Variants in NUTF2 observed in about 807,000 individuals in gnomAD.
The protein encoded by NUTF2 is placental protein 15.
NUTF2 carries 3 observed loss-of-function variants against 18.5 expected under a neutral mutation model. That is an observed-to-expected ratio of 0.16 (90% CI 0.07 to 0.42). The LOEUF (loss-of-function observed/expected upper bound fraction) is 0.42, where lower values mean the gene tolerates loss of function less well. NUTF2 is among the 10% of genes least tolerant of loss of function. The pLI, the probability that NUTF2 is intolerant of heterozygous loss-of-function variation, is 0.99. For synonymous variants in NUTF2, 51 were observed against 57.9 expected, an observed-to-expected ratio of 0.88 and a Z score of 0.54; for missense variants, 44 against 160.7, an observed-to-expected ratio of 0.27 and a Z score of 3.93.
intron 1 of NUTF2, among the ~76,000 whole-genome samples, chr16:67,850,785 A>G (rs149916398): frequency 0.03 from 4,530 of 152,134 alleles, 101 homozygotes; most frequent in Middle Eastern, 0.16. Context: ...CCCTTCGTGT[A>G]TAGGAGCCTA....
intron 1 of NUTF2, among the ~76,000 whole-genome samples, chr16:67,852,564 G>T (rs2057867995): frequency 6.6e-6 from 1 of 152,106 alleles, no homozygotes; most frequent in South Asian, 2.1e-4. Context: ...TGCCATGTTG[G>T]CCAGGCTGGT....
At chr16:67,868,247 C>A in intron 2 of NUTF2, 93 bp from the exon 3 acceptor site, 2 of 1,148,166 alleles carry the variant, frequency 1.7e-6, no homozygotes, top group Non-Finnish European at 2.5e-6. Flanking sequence ...GGCCACACTT[C>A]TCCAAGCAAG....
chr16:67,850,421 T>C (rs2057845175), intron 1 of NUTF2, among the ~76,000 whole-genome samples: 1 of 151,680 alleles, frequency 6.6e-6, no homozygotes, highest in Non-Finnish European at 1.5e-5. Context: ...TCAGCCAGGA[T>C]GGTCTCGATC....
intron 1 of NUTF2, among the ~76,000 whole-genome samples, chr16:67,850,354 G>A (rs1403137557): frequency 4.0e-5 from 6 of 151,452 alleles, no homozygotes; most frequent in Admixed American, 2.0e-4. Context: ...ATAGGCACCC[G>A]CCACCACGCC....
intron 1 of NUTF2, chr16:67,855,889 G>GT (rs1555495568): frequency 7.8e-6 from 3 of 385,446 alleles, no homozygotes; most frequent in East Asian, 4.6e-5. Flanking sequence ...TTTTTTGGCG[G>GT]GGGGGGGGGA....
intron 1 of NUTF2, among the ~76,000 whole-genome samples, chr16:67,852,237 G>A (rs1208410061): frequency 6.6e-6 from 1 of 152,088 alleles, no homozygotes; most frequent in Non-Finnish European, 1.5e-5. Flanking sequence ...AGGAGGTCAA[G>A]GAACCGTGAG....
intron 2 of NUTF2, among the ~76,000 whole-genome samples, chr16:67,867,292 C>T (rs2057979753): frequency 6.6e-6 from 1 of 152,146 alleles, no homozygotes; most frequent in South Asian, 2.1e-4. Context: ...TTAAAGCAGG[C>T]CTGAGCCAGA....
At chr16:67,859,638 G>A (rs1400340869) in intron 1 of NUTF2, among the ~76,000 whole-genome samples, 2 of 151,944 alleles carry the variant, frequency 1.3e-5, no homozygotes, top group Non-Finnish European at 2.9e-5. Context: ...GATTAGAGGC[G>A]TGAGCCACCG....
chr16:67,850,207 T>C (rs1319484216), intron 1 of NUTF2, among the ~76,000 whole-genome samples: 1 of 150,852 alleles, frequency 6.6e-6, no homozygotes, highest in Non-Finnish European at 1.5e-5. Context: ...CCCTGTAACT[T>C]CTTTTTTTTT....
chr16:67,850,309 A>G, intron 1 of NUTF2, among the ~76,000 whole-genome samples: 1 of 149,598 alleles, frequency 6.7e-6, no homozygotes, highest in East Asian at 2.0e-4. Flanking sequence ...GGTTCACGCC[A>G]TTCTCCTGCC....
intron 1 of NUTF2, among the ~76,000 whole-genome samples, chr16:67,861,798 G>A (rs2057936833): frequency 6.6e-6 from 1 of 152,194 alleles, no homozygotes; most frequent in South Asian, 2.1e-4. Context: ...CACAGTAAAT[G>A]TGTTAGAAAC....
intron 1 of NUTF2, among the ~76,000 whole-genome samples, chr16:67,859,587 A>G (rs2151297577): frequency 6.6e-6 from 1 of 151,740 alleles, no homozygotes; most frequent in South Asian, 2.1e-4. Flanking sequence ...GGAACTCTCG[A>G]CCTCAGGTGA....
chr16:67,848,311 G>A (rs1001814762), intron 1 of NUTF2, among the ~76,000 whole-genome samples: 2 of 152,172 alleles, frequency 1.3e-5, no homozygotes, highest in Admixed American at 6.6e-5. Context: ...GGCCTGGCGC[G>A]GTGGCTCACG....
chr16:67,868,143 C>T (rs2057987013), intron 2 of NUTF2, among the ~76,000 whole-genome samples, 197 bp from the exon 3 acceptor site: 1 of 152,102 alleles, frequency 6.6e-6, no homozygotes, highest in Non-Finnish European at 1.5e-5. Context: ...TCTTTCAAAG[C>T]CTGGGCCCAG....
rs1269999174 is a variant in NUTF2, at chr16:67,862,464, A to G, written c.-29-2638A>G. On this transcript the variant is annotated intron_variant, in intron 1 of 4. Coordinates refer to ENST00000219169, the MANE Select transcript of NUTF2 (RefSeq NM_005796.3). ...CCACTCTTCTCTGCCCTACCAGGCC[A>G]AAGGGTCTTTCTCTTCCTTTATCCC... 5.3e-5 allele frequency among the ~76,000 whole-genome samples: 8 copies of G among 152,288 alleles called. No homozygotes were observed. In the South Asian group the frequency reaches 1.7e-3, roughly 32 times the overall value.
At chr16:67,864,222 G>T (rs1393764140) in intron 1 of NUTF2, among the ~76,000 whole-genome samples, 1 of 152,088 alleles carries the variant, frequency 6.6e-6, no homozygotes, top group African/African-American at 2.4e-5. Flanking sequence ...GGCAGAGGAG[G>T]GCCCTTGGCT....
At chr16:67,867,279 CT>C (rs1305979350) in intron 2 of NUTF2, among the ~76,000 whole-genome samples, 1 of 152,186 alleles carries the variant, frequency 6.6e-6, no homozygotes, top group East Asian at 1.9e-4. Context: ...GCCTCATTAT[CT>C]CTTAAAGCAG....
chr16:67,851,957 A>G (rs970489612), intron 1 of NUTF2, among the ~76,000 whole-genome samples: 1 of 152,118 alleles, frequency 6.6e-6, no homozygotes, highest in Non-Finnish European at 1.5e-5. Context: ...CGGAGCTTGC[A>G]GTGAGCTGAG....
intron 1 of NUTF2, among the ~76,000 whole-genome samples, chr16:67,850,137 A>G (rs116707751): frequency 2.0e-5 from 3 of 151,740 alleles, no homozygotes; most frequent in African/African-American, 4.8e-5. Flanking sequence ...TCCTTCTCCA[A>G]CGTTACTCAA....
Sources: gnomAD v4.1 joint callset for allele counts (sites outside exome capture counted in the v4.1 genomes callset) on GRCh38, gnomAD v4.1.1 for gene constraint, MANE v1.5 for transcripts, NCBI Gene and HGNC (gene_info 2026-07-23, HGNC 2026-07-21) for gene names.